The following GPCPD1 variants were observed in gnomAD, a reference collection of about 807,000 sequenced individuals.
GPCPD1 encodes glycerophosphocholine phosphodiesterase 1.
Under a neutral mutation model 89.2 loss-of-function variants are expected in GPCPD1, and 29 were observed. The ratio of observed to expected loss-of-function variants is 0.33; its 90% confidence interval spans 0.24 to 0.44. GPCPD1 has a LOEUF of 0.44. GPCPD1 is among the 20% of genes least tolerant of loss of function. GPCPD1 has a pLI of 1.00. For missense variants in GPCPD1, 594 were observed against 808.9 expected, an observed-to-expected ratio of 0.73 and a Z score of 3.22; for synonymous variants, 258 against 266.3, an observed-to-expected ratio of 0.97 and a Z score of 0.30.
At position 5,547,679 on chromosome 20, in the gene GPCPD1, A is replaced by T; in HGVS notation, c.2001T>A (p.Asp667Glu). The T allele has an allele frequency of 6.2e-7, 1 of 1,602,030 alleles. No homozygotes were observed. Among genetic ancestry groups the T allele is most frequent in the Non-Finnish European group, 8.5e-7 (1 of 1,170,256 alleles). The part of the protein sequence containing the change: ...SDIHVDANGI[D>E]NVENA ...ATAAAAACTAAGCATTCTCCACGTTATCAATGCCGTTGGCATCCACATGGA... is the reference window on the plus strand; with the variant it reads ...ATAAAAACTAAGCATTCTCCACGTTTTCAATGCCGTTGGCATCCACATGGA... Residue 667 changes from aspartate to glutamate, a missense_variant, in exon 20 of 20, where the codon GAT (aspartate) becomes GAA (glutamate). Physicochemically the swap from Asp to Glu is conservative, Grantham distance 45. Coordinates refer to ENST00000379019, the MANE Select transcript of GPCPD1 (RefSeq NM_019593.5).
intron 1 of GPCPD1, among the ~76,000 whole-genome samples, chr20:5,609,635 C>T (rs1050615439): frequency 6.6e-6 from 1 of 152,088 alleles, no homozygotes; most frequent in Admixed American, 6.6e-5. Context: ...TCAAATTTTA[C>T]TCACTTTGCT....
intron 19 of GPCPD1, among the ~76,000 whole-genome samples, chr20:5,551,931 TC>T (rs2122534177): frequency 6.6e-6 from 1 of 152,212 alleles, no homozygotes; most frequent in South Asian, 2.1e-4. Flanking sequence ...AGGCTCCAAG[TC>T]ACTAATCATT....
intron 19 of GPCPD1, among the ~76,000 whole-genome samples, chr20:5,552,077 G>C (rs1462360024): frequency 6.6e-6 from 1 of 152,160 alleles, no homozygotes; most frequent in Non-Finnish European, 1.5e-5. Flanking sequence ...GACAATGGAA[G>C]AAATAGGTAC....
intron 3 of GPCPD1, among the ~76,000 whole-genome samples, chr20:5,594,990 C>T (rs975172297): frequency 6.6e-6 from 1 of 152,092 alleles, no homozygotes; most frequent in Non-Finnish European, 1.5e-5. Context: ...ATGAAAGGAA[C>T]AGTTAATCAA....
At position 5,557,270 on chromosome 20, in the gene GPCPD1, G is replaced by A. The variant is rs114332604; in HGVS notation, c.1829+675C>T. ...AGCTTCCCTCTCACTACTGTACTAA[G>A]AATAAACAGCCTGACCGTTAAGGGT... On this transcript the variant is annotated intron_variant, in intron 19 of 19. Transcript: ENST00000379019. 7.5e-3 allele frequency among the ~76,000 whole-genome samples: 1,142 copies of A among 152,286 alleles called. 14 individuals carry two copies. The highest frequency in any genetic ancestry group is 0.025 in the African/African-American group (1,055 of 41,556).
chr20:5,602,426 C>G (rs1980227550), intron 2 of GPCPD1, among the ~76,000 whole-genome samples: 1 of 152,198 alleles, frequency 6.6e-6, no homozygotes, highest in African/African-American at 2.4e-5. Flanking sequence ...GCACTTGGCT[C>G]AAGGGAGCCA....
intron 17 of GPCPD1, among the ~76,000 whole-genome samples, chr20:5,559,723 G>C (rs1985983687): frequency 6.6e-6 from 1 of 152,122 alleles, no homozygotes; most frequent in Non-Finnish European, 1.5e-5. Context: ...GTAAAATAAA[G>C]GGTGTAAGGC....
At chr20:5,582,640 A>G (rs1343510875) in intron 6 of GPCPD1, among the ~76,000 whole-genome samples, 1 of 152,048 alleles carries the variant, frequency 6.6e-6, no homozygotes, top group East Asian at 1.9e-4. Flanking sequence ...TGTAATCCCA[A>G]CACTTTGGGA....
chr20:5,604,461 A>G (rs776211381), intron 1 of GPCPD1, 21 bp from the exon 2 acceptor site: 6 of 1,139,142 alleles, frequency 5.3e-6, no homozygotes, highest in East Asian at 2.4e-5. Context: ...AAAGAAAAGT[A>G]ACTTATAGTA....
chr20:5,600,583 CA>C (rs2122790424), intron 2 of GPCPD1, among the ~76,000 whole-genome samples: 1 of 152,190 alleles, frequency 6.6e-6, no homozygotes, highest in South Asian at 2.1e-4. Context: ...CCTATAATCC[CA>C]GCACTTTGGG....
intron 3 of GPCPD1, 83 bp from the exon 4 acceptor site, chr20:5,593,494 A>T (rs1366069102): frequency 1.3e-6 from 1 of 747,256 alleles, no homozygotes; most frequent in Non-Finnish European, 2.4e-6. Flanking sequence ...AAACTCCTCA[A>T]ATAAAACGTA....
chr20:5,578,338 C>G lies in GPCPD1; in HGVS notation c.705+42G>C, dbSNP rs764930573. 1.5e-5 allele frequency: 17 copies of G among 1,149,072 alleles called. No homozygotes were observed. In the African/African-American group the frequency reaches 2.1e-4, roughly 14 times the overall value. The allele number at this position is 1,149,072 out of a possible 1,614,324, so 71.2% of individuals were successfully genotyped here. A position where few individuals can be genotyped will look rare whatever the true frequency, so the allele number is the denominator to read the frequency against. On this transcript the variant is annotated intron_variant, in intron 8 of 19. Transcript: ENST00000379019. ...AAACCAACGTTAAAATAAGCTTGTC[C>G]CTGCATTCTTTCTCAATCCCCTCAC... is the stretch of plus-strand genomic sequence containing the variant.
intron 19 of GPCPD1, 74 bp from the exon 20 acceptor site, chr20:5,547,924 C>T (rs1985122916): frequency 2.8e-6 from 2 of 709,440 alleles, no homozygotes; most frequent in Non-Finnish European, 4.5e-6. Context: ...CTGACTCAAC[C>T]TTTTCATAAG....
chr20:5,589,987 T>A (rs1175873676), intron 4 of GPCPD1, among the ~76,000 whole-genome samples: 1 of 152,200 alleles, frequency 6.6e-6, no homozygotes, highest in African/African-American at 2.4e-5. Context: ...AAAATATTTT[T>A]AAAAATTTCT....
At chr20:5,582,725 C>T (rs2122705331) in intron 6 of GPCPD1, among the ~76,000 whole-genome samples, 1 of 152,024 alleles carries the variant, frequency 6.6e-6, no homozygotes, top group African/African-American at 2.4e-5. Context: ...CCCATCTCTA[C>T]TAAAAATACA....
chr20:5,549,568 TC>T (rs1985246961), intron 19 of GPCPD1: 1 of 753,614 alleles, frequency 1.3e-6, no homozygotes, highest in Non-Finnish European at 2.2e-6. Context: ...CAAAGCCTCT[TC>T]AAAAACTACT....
At chr20:5,572,024 G>A (rs571891184) in intron 11 of GPCPD1, among the ~76,000 whole-genome samples, 16 of 152,168 alleles carry the variant, frequency 1.1e-4, no homozygotes, top group African/African-American at 3.6e-4. Context: ...TTCGAAACCA[G>A]TCTGAGCAAC....
chr20:5,580,444 G>A lies in GPCPD1; in HGVS notation c.350-313C>T, dbSNP rs547713987. 2.8e-4 allele frequency among the ~76,000 whole-genome samples: 43 copies of A among 152,158 alleles called. 1 individual carries two copies. In the Middle Eastern group the frequency reaches 0.01, roughly 36 times the overall value. ...TCCTTTCTAAATATGAAAATAGGCC[G>A]GGCGGGCATGGTGGCTCACGCCTGT... On this transcript the variant is annotated intron_variant, in intron 6 of 19. Transcript: ENST00000379019.
intron 19 of GPCPD1, among the ~76,000 whole-genome samples, chr20:5,555,732 C>T (rs747465201): frequency 2.0e-5 from 3 of 151,922 alleles, no homozygotes; most frequent in Non-Finnish European, 2.9e-5. Context: ...GGCAGGCGTG[C>T]GCCTGTAATC....
Sources: allele counts gnomAD v4.1 joint callset (sites outside exome capture counted in the v4.1 genomes callset), GRCh38; gene constraint gnomAD v4.1.1; transcripts MANE v1.5; gene names NCBI Gene and HGNC (gene_info 2026-07-23, HGNC 2026-07-21).